REEP2: variants seen among roughly 807,000 people sequenced by gnomAD.
The protein encoded by REEP2 is receptor accessory protein 2.
In REEP2, 9 loss-of-function variants were observed where a neutral mutation model predicts 32.1. The observed-to-expected ratio is 0.28, with a 90% CI of 0.17 to 0.49. REEP2 has a LOEUF of 0.49. REEP2 is among the 20% of genes least tolerant of loss of function. The pLI is 0.99. For synonymous variants in REEP2, 128 were observed against 139.1 expected (o/e 0.92, Z 0.56); for missense variants, 236 against 338.0 (o/e 0.70, Z 2.37).
chr5:138,443,155 ACCTG>A (rs1763857788), intron 3 of REEP2, among the ~76,000 whole-genome samples: 1 of 151,998 alleles, frequency 6.6e-6, no homozygotes, highest in Non-Finnish European at 1.5e-5. Flanking sequence ...ACATAGCAAG[ACCTG>A]CCTATTAAAA....
chr5:138,440,651 T>C (rs1305390399), intron 1 of REEP2, among the ~76,000 whole-genome samples: 8 of 152,050 alleles, frequency 5.3e-5, no homozygotes. Flanking sequence ...CAGATGGGTG[T>C]GAATGGGCAT....
At chr5:138,440,289 C>T (rs563647575) in intron 1 of REEP2, among the ~76,000 whole-genome samples, 1 of 152,368 alleles carries the variant, frequency 6.6e-6, no homozygotes, top group South Asian at 2.1e-4. Context: ...TTCCCCCACC[C>T]ATCCCAGGGG....
intron 5 of REEP2, 27 bp downstream of exon 5, chr5:138,444,894 C>T: frequency 6.4e-7 from 1 of 1,553,070 alleles, no homozygotes; most frequent in Non-Finnish European, 8.8e-7. Context: ...CTCAGACTCC[C>T]AGGGCCCCTA....
intron 4 of REEP2, 55 bp downstream of exon 4, chr5:138,444,590 G>T (rs1436202322): frequency 1.9e-6 from 3 of 1,605,758 alleles, no homozygotes; most frequent in Non-Finnish European, 2.6e-6. Context: ...AGGCAGTCCA[G>T]AGCCTGCAGC....
At chr5:138,444,292 T>TG in intron 3 of REEP2, 123 bp from the exon 4 acceptor site, 1 of 1,197,996 alleles carries the variant, frequency 8.3e-7, no homozygotes, top group Non-Finnish European at 1.2e-6. Context: ...ATGAGCCCCA[T>TG]GGGGACCCCA....
At chr5:138,439,678 C>T (rs1303873033) in intron 1 of REEP2, 1 of 458,646 alleles carries the variant, frequency 2.2e-6, no homozygotes, top group African/African-American at 2.0e-5. Flanking sequence ...CATCATCATT[C>T]CGCAGCTCAG....
chr5:138,439,283 G>A (rs1167729718), intron 1 of REEP2, 43 bp downstream of exon 1: 2 of 1,435,578 alleles, frequency 1.4e-6, no homozygotes, highest in South Asian at 1.6e-5. Context: ...CTGTGATGGA[G>A]GGCGGGGGTG....
Position 138,445,235 on chromosome 5 carries a change from G to A in REEP2, c.425G>A (p.Gly142Glu), listed in dbSNP as rs1763904314. The A allele has an allele frequency of 6.2e-7, 1 of 1,606,920 alleles. No individual in the cohort carries two copies. Among genetic ancestry groups the A allele is most frequent in the Non-Finnish European group, 8.5e-7 (1 of 1,176,744 alleles). ...AAVTAAAKGQ[G>E]VLSEKLRSFS... ...GCGTGGTGGTGACCCTAGGGCCAGGGGGTGCTGTCAGAGAAGCTCCGCAGC... is the reference window on the plus strand; with the variant it reads ...GCGTGGTGGTGACCCTAGGGCCAGGAGGTGCTGTCAGAGAAGCTCCGCAGC... Residue 142 changes from glycine to glutamate, a missense_variant, in exon 6 of 8, where the codon GGG becomes GAG. Coordinates refer to ENST00000378339, the MANE Select transcript of REEP2 (RefSeq NM_001271803.2).
Position 138,445,733 on chromosome 5 carries a change from C to T in REEP2, c.747C>T (p.Gly249=), listed in dbSNP as rs768106756. Residue 249 remains glycine (G), a synonymous_variant, in exon 8 of 8, where the codon GGC becomes GGT. Transcript: ENST00000378339. The part of the protein sequence containing the change: ...LKTRPKKKTS[G]GGDSA ...CCCGGCCCAAGAAGAAGACCTCTGG[C>T]GGGGGCGACTCAGCTTGAGCCCCTC... 27 of 1,613,852 alleles carry T rather than the reference C, an allele frequency of 1.7e-5. No individual in the cohort carries two copies. The highest frequency in any genetic ancestry group is 3.3e-5 in the Admixed American group (2 of 59,982).
intron 5 of REEP2, 127 bp from the exon 6 acceptor site, chr5:138,445,101 G>T: frequency 9.1e-7 from 1 of 1,103,510 alleles, no homozygotes; most frequent in Non-Finnish European, 1.3e-6. Context: ...AGCTCTGTCT[G>T]TGTGGGACTG....
Position 138,441,197 on chromosome 5 carries a change from TA to T in REEP2, c.105+111del. 8 of 1,459,428 alleles carry T rather than the reference TA, an allele frequency of 5.5e-6. No individual in the cohort carries two copies. The highest frequency in any genetic ancestry group is 7.6e-6 in the Non-Finnish European group (8 of 1,055,390). 90.4% of individuals were successfully genotyped at this position (1,459,428 alleles called of 1,614,324 possible). A position where few individuals can be genotyped will look rare whatever the true frequency, so the allele number is the denominator to read the frequency against. ...ACTTTGCACCAACACTGTCAGCCAC[TA>T]ACAAGACCCACCAGCAAAGGAGGGC... On this transcript the variant is annotated intron_variant, in intron 2 of 7. Transcript: ENST00000378339. This position sits in a 1 kb window ranked among gnomAD's most constrained non-coding sequence, Gnocchi z 4.4.
chr5:138,439,136 C>T lies in REEP2; in HGVS notation c.-73C>T, dbSNP rs1763772821. On this transcript the variant is annotated 5_prime_UTR_variant, in exon 1 of 8. Transcript: ENST00000378339. ...ACTGCGGCTCCTGCTGCCGCCGCCG[C>T]CGCCGCTCGGCCTCAGGCAGCTGCA... is the stretch of plus-strand genomic sequence containing the variant. 3.9e-6 allele frequency: 4 copies of T among 1,024,758 alleles called. No homozygotes were observed. The African/African-American group carries it at 6.7e-5, about 17-fold the overall frequency. The allele number at this position is 1,024,758 out of a possible 1,614,324, so 63.5% of individuals were successfully genotyped here. A position where few individuals can be genotyped will look rare whatever the true frequency, so the allele number is the denominator to read the frequency against.
At chr5:138,445,206 C>G (rs377190786) in intron 5 of REEP2, 22 bp from the exon 6 acceptor site, 51 of 1,565,746 alleles carry the variant, frequency 3.3e-5, no homozygotes, top group Non-Finnish European at 4.3e-5. Context: ...CCGGCTCTCC[C>G]GGTGCGTGGT....
At position 138,446,915 on chromosome 5, in the gene REEP2, C is replaced by T. The variant is rs1365008884; in HGVS notation, c.*1164C>T. 6.6e-6 allele frequency: 1 copy of T among 152,270 alleles called. No homozygotes were observed. The highest frequency in any genetic ancestry group is 2.4e-5 in the African/African-American group (1 of 41,466). 9.4% of individuals were successfully genotyped at this position (152,270 alleles called of 1,614,324 possible). A position where few individuals can be genotyped will look rare whatever the true frequency, so the allele number is the denominator to read the frequency against. ...CCCGGTTCCTTGGGAAGAGGGTGCC[C>T]ATTGGACCTTTGGCACTGGATGAGC... On this transcript the variant is annotated 3_prime_UTR_variant, in exon 8 of 8. Coordinates refer to ENST00000378339, the MANE Select transcript of REEP2 (RefSeq NM_001271803.2).
At chr5:138,444,191 G>C in intron 3 of REEP2, 1 of 502,666 alleles carries the variant, frequency 2.0e-6, no homozygotes, top group Non-Finnish European at 3.5e-6. Flanking sequence ...TCGCTGCTGG[G>C]GGAAATTCCT....
intron 5 of REEP2, 25 bp downstream of exon 5, chr5:138,444,892 C>T (rs1322034417): frequency 2.6e-6 from 4 of 1,555,390 alleles, no homozygotes; most frequent in African/African-American, 1.4e-5. Context: ...GGCTCAGACT[C>T]CCAGGGCCCC....
intron 1 of REEP2, among the ~76,000 whole-genome samples, chr5:138,440,085 C>T (rs1763794103): frequency 6.6e-6 from 1 of 152,236 alleles, no homozygotes; most frequent in Non-Finnish European, 1.5e-5. Context: ...GACAGCCACA[C>T]ATTGTCAAGG....
At position 138,444,406 on chromosome 5, in the gene REEP2, T is replaced by A; in HGVS notation, c.183-9T>A. 1 of 1,613,558 alleles carries A rather than the reference T, an allele frequency of 6.2e-7. No homozygotes were observed. The highest frequency in any genetic ancestry group is 2.2e-5 in the East Asian group (1 of 44,866). On this transcript the variant is annotated splice_polypyrimidine_tract_variant and intron_variant, in intron 3 of 7. Transcript: ENST00000378339. ...GCCCTGTACTCTGCGCTTGCCCCTG[T>A]CCCAACAGGTTCCCCTTCTACTTTG...
intron 3 of REEP2, among the ~76,000 whole-genome samples, chr5:138,442,435 G>T (rs562905122): frequency 6.6e-6 from 1 of 152,184 alleles, no homozygotes; most frequent in African/African-American, 2.4e-5. Context: ...GGTAAAGGCC[G>T]GGTGTGGTGG....
Sources: allele counts gnomAD v4.1 joint callset (sites outside exome capture counted in the v4.1 genomes callset), GRCh38; gene constraint gnomAD v4.1.1; non-coding constraint Gnocchi (gnomAD v3.1); transcripts MANE v1.5; gene names NCBI Gene and HGNC (gene_info 2026-07-23, HGNC 2026-07-21).